The following B3GALT1 variants were observed in gnomAD, a reference collection of about 807,000 sequenced individuals.
B3GALT1 encodes beta-1,3-galactosyltransferase 1, also known as UDP-Gal:betaGlcNAc beta 1,3-galactosyltransferase, polypeptide 1.
A neutral mutation model predicts 23.2 loss-of-function variants in B3GALT1; 10 were observed. That is an observed-to-expected ratio of 0.43 (90% CI 0.27 to 0.73). The LOEUF (loss-of-function observed/expected upper bound fraction) is 0.73, where lower values mean the gene tolerates loss of function less well. Among genes scored for constraint, B3GALT1 ranks in the 30% least tolerant of loss-of-function variants. The pLI is 0.21. For missense variants in B3GALT1, 299 were observed against 405.4 expected, an observed-to-expected ratio of 0.74 and a Z score of 2.25; for synonymous variants, 156 against 141.5, an observed-to-expected ratio of 1.10 and a Z score of -0.73.
rs181316170 is a variant in B3GALT1 at position 167,717,813 on chromosome 2, G to T, written c.-352+70847G>T. The stretch of plus-strand genomic sequence containing the variant: ...GGCAAGATAATTAATTCTTTTTCCA[G>T]CCATACATGAAGTTTCCAGATTCAC... On this transcript the variant is annotated intron_variant, in intron 3 of 4. Transcript: ENST00000392690. Among the ~76,000 whole-genome samples, 25 of 152,202 alleles carry T rather than the reference G, an allele frequency of 1.6e-4. No homozygotes were observed. The East Asian group carries it at 4.6e-3, about 28-fold the overall frequency.
chr2:167,723,501 C>T (rs1687263917), intron 3 of B3GALT1, among the ~76,000 whole-genome samples: 1 of 151,062 alleles, frequency 6.6e-6, no homozygotes, highest in East Asian at 1.9e-4. Flanking sequence ...AACATATTAC[C>T]ATTCTCAATT....
chr2:167,740,098 C>CTAAATAAA (rs57363909), intron 3 of B3GALT1, among the ~76,000 whole-genome samples: 1,893 of 142,968 alleles, frequency 0.013, 25 homozygotes, highest in Non-Finnish European at 0.018. Context: ...GACTCTGTCT[C>CTAAATAAA]TAAATAAATA....
chr2:167,544,255 T>A (rs944376955), intron 2 of B3GALT1, among the ~76,000 whole-genome samples: 1 of 152,292 alleles, frequency 6.6e-6, no homozygotes, highest in Admixed American at 6.5e-5. Context: ...GGTACATTGC[T>A]GCCCTTAAAA....
intron 3 of B3GALT1, among the ~76,000 whole-genome samples, chr2:167,683,893 A>G (rs371548846): frequency 8.9e-4 from 135 of 152,306 alleles, no homozygotes; most frequent in African/African-American, 2.9e-3. Context: ...GTTGGATGGC[A>G]AGATACACTA....
At chr2:167,358,192 G>GAGCCAAA (rs1697444839) in intron 1 of B3GALT1, among the ~76,000 whole-genome samples, 1 of 152,144 alleles carries the variant, frequency 6.6e-6, no homozygotes, top group South Asian at 2.1e-4. Context: ...ACATTAGAAA[G>GAGCCAAA]AGCCAAAGGT....
chr2:167,295,156 TCA>T (rs1300010283), intron 1 of B3GALT1, among the ~76,000 whole-genome samples: 1 of 152,226 alleles, frequency 6.6e-6, no homozygotes, highest in African/African-American at 2.4e-5. Context: ...ATGGTTTTCA[TCA>T]CTTAATTGTT....
chr2:167,319,399 A>T (rs552128422), intron 1 of B3GALT1, among the ~76,000 whole-genome samples: 1 of 152,238 alleles, frequency 6.6e-6, no homozygotes, highest in South Asian at 2.1e-4. Flanking sequence ...TAGTCTGAAG[A>T]TAATAATCAT....
At position 167,872,095 on chromosome 2, in the gene B3GALT1, G is replaced by A. The variant is rs1323746421; in HGVS notation, c.*2075G>A. 1.3e-5 allele frequency: 2 copies of A among 151,152 alleles called. No individual in the cohort carries two copies. The highest frequency in any genetic ancestry group is 3.9e-4 in the East Asian group (2 of 5,108). The allele number at this position is 151,152 out of a possible 1,614,324, so 9.4% of individuals were successfully genotyped here. On this transcript the variant is annotated 3_prime_UTR_variant, in exon 5 of 5. Transcript: ENST00000392690. ...TTTTTTGTATTTTTAGTAGAGACGG[G>A]GTTTCACCGTGTTAGCCAGGATGGT... is the stretch of plus-strand genomic sequence containing the variant.
chr2:167,624,294 G>A (rs1026201226), intron 2 of B3GALT1, among the ~76,000 whole-genome samples: 1 of 152,030 alleles, frequency 6.6e-6, no homozygotes, highest in Non-Finnish European at 1.5e-5. Context: ...CCCGGAGATT[G>A]AAATCCCTCA....
At chr2:167,345,324 G>A (rs936665085) in intron 1 of B3GALT1, among the ~76,000 whole-genome samples, 2 of 152,024 alleles carry the variant, frequency 1.3e-5, no homozygotes, top group African/African-American at 4.8e-5. Context: ...TGACATCTGA[G>A]CCCAGACTAT....
chr2:167,532,971 C>T (rs112663266), intron 2 of B3GALT1, among the ~76,000 whole-genome samples: 1,661 of 151,122 alleles, frequency 0.011, 30 homozygotes, highest in African/African-American at 0.038. Flanking sequence ...AAGCGATTCT[C>T]CTGCCTCAGC....
At chr2:167,720,584 C>T (rs1223710470) in intron 3 of B3GALT1, among the ~76,000 whole-genome samples, 1 of 152,140 alleles carries the variant, frequency 6.6e-6, no homozygotes. Context: ...GCATAGTCAC[C>T]AAAGAAGAAT....
At chr2:167,445,837 T>C (rs1168076811) in intron 1 of B3GALT1, among the ~76,000 whole-genome samples, 2 of 152,224 alleles carry the variant, frequency 1.3e-5, no homozygotes, top group Non-Finnish European at 2.9e-5. Flanking sequence ...TGTGTGTCTT[T>C]TAATTGGAGC....
intron 1 of B3GALT1, among the ~76,000 whole-genome samples, chr2:167,424,056 A>G (rs1381451191): frequency 6.6e-6 from 1 of 152,180 alleles, no homozygotes; most frequent in Non-Finnish European, 1.5e-5. Flanking sequence ...ATGCTTTCAA[A>G]TGTCCAGATG....
intron 2 of B3GALT1, among the ~76,000 whole-genome samples, chr2:167,628,898 T>A (rs1013026871): frequency 6.6e-6 from 1 of 151,626 alleles, no homozygotes; most frequent in African/African-American, 2.4e-5. Flanking sequence ...GATTTATTAG[T>A]GTGGGAAATT....
At chr2:167,566,407 C>T (rs930361223) in intron 2 of B3GALT1, among the ~76,000 whole-genome samples, 20 of 151,478 alleles carry the variant, frequency 1.3e-4, no homozygotes, top group Non-Finnish European at 2.1e-4. Context: ...TGCTAAATGA[C>T]GAGTTAATGG....
intron 1 of B3GALT1, among the ~76,000 whole-genome samples, chr2:167,294,426 T>C (rs1231102761): frequency 6.6e-6 from 1 of 152,256 alleles, no homozygotes; most frequent in Non-Finnish European, 1.5e-5. Context: ...CCACCCGTGC[T>C]GCAAAGCCTT....
chr2:167,374,870 T>G (rs1019067298), intron 1 of B3GALT1, among the ~76,000 whole-genome samples: 1 of 152,092 alleles, frequency 6.6e-6, no homozygotes, highest in African/African-American at 2.4e-5. Flanking sequence ...GTAAATATTT[T>G]TTTTTGTTGC....
chr2:167,860,557 A>G (rs1690078224), intron 4 of B3GALT1, among the ~76,000 whole-genome samples: 1 of 152,208 alleles, frequency 6.6e-6, no homozygotes, highest in Admixed American at 6.5e-5. Context: ...GAAGTTATTC[A>G]GAGTCAATTA....
Sources: allele counts gnomAD v4.1 joint callset (sites outside exome capture counted in the v4.1 genomes callset), GRCh38; gene constraint gnomAD v4.1.1; transcripts MANE v1.5; gene names NCBI Gene and HGNC (gene_info 2026-07-23, HGNC 2026-07-21).